TTC29: variants seen among roughly 807,000 people sequenced by gnomAD.
TTC29 encodes the protein tetratricopeptide repeat domain 29, also known as tetratricopeptide repeat protein 29.
Under a neutral mutation model 58.1 loss-of-function variants are expected in TTC29, and 49 were observed. That is an observed-to-expected ratio of 0.84 (90% CI 0.67 to 1.07). TTC29 has a LOEUF of 1.07. Ranked by LOEUF, TTC29 falls within the 50% of genes least tolerant of loss-of-function variation. TTC29 has a pLI of 0.00. For synonymous variants in TTC29, 209 were observed against 196.8 expected, an observed-to-expected ratio of 1.06 and a Z score of -0.52; for missense variants, 582 against 555.6, an observed-to-expected ratio of 1.05 and a Z score of -0.48.
intron 10 of TTC29, 149 bp downstream of exon 10, chr4:146,819,976 A>C (rs1751702932): frequency 2.0e-6 from 2 of 1,022,482 alleles, no homozygotes; most frequent in Non-Finnish European, 2.9e-6. Context: ...AGTCCTTGCC[A>C]TGGACATTAA....
At chr4:146,763,870 T>G (rs531251336) in intron 11 of TTC29, 6 of 152,176 alleles carry the variant, frequency 3.9e-5, no homozygotes, top group African/African-American at 9.6e-5. Context: ...TTTTCAGGTA[T>G]GGTGCATTAA....
At chr4:146,776,620 T>A (rs986317440) in intron 11 of TTC29, among the ~76,000 whole-genome samples, 1 of 152,176 alleles carries the variant, frequency 6.6e-6, no homozygotes, top group Non-Finnish European at 1.5e-5. Context: ...CTTTGTTCTC[T>A]GGCCCCTGGA....
chr4:146,859,814 A>C (rs760995850), intron 8 of TTC29, among the ~76,000 whole-genome samples: 13 of 152,226 alleles, frequency 8.5e-5, no homozygotes, highest in Non-Finnish European at 1.2e-4. Flanking sequence ...AATAGAAGGA[A>C]AGAGGATTTT....
At chr4:146,763,573 T>G (rs1364105216) in intron 11 of TTC29, among the ~76,000 whole-genome samples, 1 of 152,098 alleles carries the variant, frequency 6.6e-6, no homozygotes, top group African/African-American at 2.4e-5. Context: ...TGAATTTAGG[T>G]TAGTGCTCTT....
intron 8 of TTC29, among the ~76,000 whole-genome samples, 180 bp from the exon 9 acceptor site, chr4:146,834,077 C>A (rs901858799): frequency 1.1e-4 from 16 of 152,128 alleles, no homozygotes; most frequent in African/African-American, 3.6e-4. Flanking sequence ...TGTTTTGTGG[C>A]AATCTCTTTA....
At chr4:146,938,471 C>G (rs751659499) in intron 3 of TTC29, among the ~76,000 whole-genome samples, 2 of 152,082 alleles carry the variant, frequency 1.3e-5, no homozygotes, top group Non-Finnish European at 2.9e-5. Context: ...TGCTTTTGCT[C>G]ACCTTGAAAA....
chr4:146,803,379 GTGAAACTTTCCAA>G, intron 11 of TTC29, 65 bp downstream of exon 11: 1 of 1,060,004 alleles, frequency 9.4e-7, no homozygotes, highest in Non-Finnish European at 1.4e-6. Context: ...CGACATTTGA[GTGAAACTTTCCAA>G]TGAAAGTAAA....
intron 11 of TTC29, among the ~76,000 whole-genome samples, chr4:146,795,841 TAGC>T (rs1352698707): frequency 6.6e-6 from 1 of 152,178 alleles, no homozygotes; most frequent in Non-Finnish European, 1.5e-5. Flanking sequence ...TTCCAAATTC[TAGC>T]AATGGTAGAA....
chr4:146,711,661 T>G (rs1311235691), intron 11 of TTC29, among the ~76,000 whole-genome samples: 3 of 152,170 alleles, frequency 2.0e-5, no homozygotes, highest in Non-Finnish European at 2.9e-5. Context: ...ATGCTATTAT[T>G]AACGATGAGA....
chr4:146,879,804 A>G (rs1419631545), intron 6 of TTC29, among the ~76,000 whole-genome samples: 1 of 152,188 alleles, frequency 6.6e-6, no homozygotes, highest in African/African-American at 2.4e-5. Flanking sequence ...AAAGTGGAAT[A>G]ATTTTACCAA....
At chr4:146,895,528 T>C (rs1485664123) in intron 6 of TTC29, among the ~76,000 whole-genome samples, 1 of 152,124 alleles carries the variant, frequency 6.6e-6, no homozygotes, top group African/African-American at 2.4e-5. Flanking sequence ...TCATCTTCTC[T>C]GGACTCAGTT....
At position 146,939,804 on chromosome 4, in the gene TTC29, C is replaced by T; in HGVS notation, c.92G>A (p.Arg31Lys). ...ATAAGTAAAAACCAGGGGCACGTAC[C>T]TTGGAATTTTTCTGGAGGAGCAAGG... ...KLPCSSRKIP[R>K]SQLIKEKDDI... Residue 31 changes from arginine to lysine, a missense_variant and splice_region_variant, in exon 3 of 13, where the codon AGG becomes AAG. Transcript: ENST00000325106. 6.2e-7 allele frequency: 1 copy of T among 1,610,532 alleles called. No homozygotes were observed. Among genetic ancestry groups the T allele is most frequent in the Non-Finnish European group, 8.5e-7 (1 of 1,178,696 alleles).
At chr4:146,909,317 C>A in intron 4 of TTC29, 68 bp from the exon 5 acceptor site, 2 of 1,218,242 alleles carry the variant, frequency 1.6e-6, no homozygotes, top group Non-Finnish European at 2.3e-6. Flanking sequence ...TATTTTCATT[C>A]TCTAATAATT....
chr4:146,817,050 C>A (rs995861258), intron 10 of TTC29, among the ~76,000 whole-genome samples: 1 of 152,156 alleles, frequency 6.6e-6, no homozygotes, highest in African/African-American at 2.4e-5. Flanking sequence ...CTCACCACTC[C>A]TATTCAACAT....
At chr4:146,746,741 A>G (rs1745578745) in intron 11 of TTC29, among the ~76,000 whole-genome samples, 1 of 152,152 alleles carries the variant, frequency 6.6e-6, no homozygotes, top group South Asian at 2.1e-4. Flanking sequence ...AGGTTGGTCT[A>G]GTTTCTGCCC....
chr4:146,839,632 T>C (rs974257158), intron 8 of TTC29, among the ~76,000 whole-genome samples: 2 of 151,698 alleles, frequency 1.3e-5, no homozygotes, highest in African/African-American at 2.4e-5. Context: ...GCAATCAAGA[T>C]ACAGAAAAAT....
chr4:146,808,541 G>C (rs1316016011), intron 10 of TTC29, among the ~76,000 whole-genome samples: 1 of 152,172 alleles, frequency 6.6e-6, no homozygotes, highest in Non-Finnish European at 1.5e-5. Context: ...CTTCAGCAAA[G>C]TCTCAGGATA....
intron 6 of TTC29, among the ~76,000 whole-genome samples, chr4:146,876,083 C>T (rs997639349): frequency 3.3e-5 from 5 of 152,158 alleles, no homozygotes; most frequent in African/African-American, 1.2e-4. Flanking sequence ...CTGTTCCTAG[C>T]CCAGCTTTCC....
At chr4:146,867,434 G>C in intron 8 of TTC29, 64 bp downstream of exon 8, 1 of 828,806 alleles carries the variant, frequency 1.2e-6, no homozygotes, top group Non-Finnish European at 1.8e-6. Flanking sequence ...ATAACATATA[G>C]GAAAATAAAA....
Sources: allele counts gnomAD v4.1 joint callset (sites outside exome capture counted in the v4.1 genomes callset), GRCh38; gene constraint gnomAD v4.1.1; transcripts MANE v1.5; gene names NCBI Gene and HGNC (gene_info 2026-07-23, HGNC 2026-07-21).